TCERG1L: variants seen among roughly 807,000 people sequenced by gnomAD.
TCERG1L encodes transcription elongation regulator 1-like protein.
A neutral mutation model predicts 56.3 loss-of-function variants in TCERG1L; 37 were observed. That is an observed-to-expected ratio of 0.66 (90% CI 0.51 to 0.87). The LOEUF (loss-of-function observed/expected upper bound fraction) is 0.87, where lower values mean the gene tolerates loss of function less well. Among genes scored for constraint, TCERG1L ranks in the 40% least tolerant of loss-of-function variants. The pLI, the probability that TCERG1L is intolerant of heterozygous loss-of-function variation, is 0.00. For missense variants in TCERG1L, 799 were observed against 774.2 expected, an observed-to-expected ratio of 1.03 and a Z score of -0.38; for synonymous variants, 324 against 326.3, an observed-to-expected ratio of 0.99 and a Z score of 0.08.
chr10:131,110,523 C>A (rs941694222), intron 9 of TCERG1L, among the ~76,000 whole-genome samples: 7 of 152,214 alleles, frequency 4.6e-5, no homozygotes, highest in Non-Finnish European at 1.0e-4. Flanking sequence ...AGACTCTCAG[C>A]AGGGAAGAGA....
chr10:131,183,022 C>A (rs999804639), intron 4 of TCERG1L, among the ~76,000 whole-genome samples: 3 of 152,168 alleles, frequency 2.0e-5, no homozygotes, highest in Non-Finnish European at 4.4e-5. Flanking sequence ...CGTCAGGCTG[C>A]ACAATCCAAT....
intron 6 of TCERG1L, among the ~76,000 whole-genome samples, chr10:131,152,419 T>G (rs1369945701): frequency 6.6e-6 from 1 of 152,218 alleles, no homozygotes; most frequent in Non-Finnish European, 1.5e-5. Flanking sequence ...CATCTCCATC[T>G]GAGACCACCT....
rs1261525357 is a variant in TCERG1L, at chr10:131,191,192, A to G, written c.857-24307T>C. ...TTCATCCAGGAGGTGAAAAATCTCT[A>G]CAAGGAGAACTACAAAACACTGCTG... On this transcript the variant is annotated intron_variant, in intron 4 of 11. Coordinates refer to ENST00000368642, the MANE Select transcript of TCERG1L (RefSeq NM_174937.4). 6.9e-5 allele frequency among the ~76,000 whole-genome samples: 10 copies of G among 144,404 alleles called. 1 individual carries two copies. Among genetic ancestry groups the G allele is most frequent in the Admixed American group, 4.1e-4 (6 of 14,464 alleles). 94.7% of individuals were successfully genotyped at this position (144,404 alleles called of 152,430 possible).
intron 9 of TCERG1L, among the ~76,000 whole-genome samples, chr10:131,113,100 C>A (rs150287729): frequency 7.0e-6 from 1 of 142,822 alleles, no homozygotes; most frequent in East Asian, 2.4e-4. Flanking sequence ...TCAATGCCTA[C>A]CCCCATCTTC....
intron 6 of TCERG1L, among the ~76,000 whole-genome samples, chr10:131,159,940 C>T (rs755898377): frequency 1.3e-5 from 2 of 152,164 alleles, no homozygotes; most frequent in African/African-American, 2.4e-5. Context: ...GGTCTGGTGG[C>T]GGTCTGCCAA....
At chr10:131,108,534 G>C (rs942647483) in intron 9 of TCERG1L, among the ~76,000 whole-genome samples, 2 of 152,056 alleles carry the variant, frequency 1.3e-5, no homozygotes, top group South Asian at 4.1e-4. Flanking sequence ...TGCTGTGTGC[G>C]TGGGTGTTCT....
At chr10:131,117,057 TA>T (rs748804370) in intron 8 of TCERG1L, 123 bp from the exon 9 acceptor site, 10 of 1,300,606 alleles carry the variant, frequency 7.7e-6, no homozygotes, top group East Asian at 7.6e-5. Context: ...GACAACTCTT[TA>T]TAAAGCCTGA....
Position 131,311,233 on chromosome 10 carries a change from G to A in TCERG1L, c.342+61C>T. ...CCGGAGGCCAGAGCCGGGCCGGGCA[G>A]GGCGCGCCCAGGAGCAGGGGAGACG... On this transcript the variant is annotated intron_variant, in intron 1 of 11. Transcript: ENST00000368642. This position sits in a 1 kb window ranked among gnomAD's most constrained non-coding sequence, Gnocchi z 4.0. 3 of 1,173,346 alleles carry A rather than the reference G, an allele frequency of 2.6e-6. No homozygotes were observed. The highest frequency in any genetic ancestry group is 2.1e-6 in the Non-Finnish European group (2 of 944,970). The allele number at this position is 1,173,346 out of a possible 1,614,324, so 72.7% of individuals were successfully genotyped here.
rs539838330 is a variant in TCERG1L at position 131,239,205 on chromosome 10, T to A, written c.856+21054A>T. ...CAGACCTGCAGTCTCCTTTCCCAGG[T>A]GTAATTCCACACCTTTGCTTGAATG... On this transcript the variant is annotated intron_variant, in intron 4 of 11. Transcript: ENST00000368642. 1.4e-4 allele frequency among the ~76,000 whole-genome samples: 21 copies of A among 152,266 alleles called. No homozygotes were observed. In the South Asian group the frequency reaches 4.4e-3, roughly 32 times the overall value.
At chr10:131,101,338 C>T (rs990925873) in intron 10 of TCERG1L, among the ~76,000 whole-genome samples, 3 of 152,216 alleles carry the variant, frequency 2.0e-5, no homozygotes, top group Non-Finnish European at 2.9e-5. Context: ...AGAGATGTGC[C>T]GTAGCATGTA....
intron 3 of TCERG1L, among the ~76,000 whole-genome samples, chr10:131,279,119 G>A (rs1017545169): frequency 9.9e-5 from 15 of 152,178 alleles, no homozygotes; most frequent in Admixed American, 5.9e-4. Flanking sequence ...GCAGAGACAG[G>A]GCTACCTAGT....
At chr10:131,142,110 C>T (rs919494168) in intron 7 of TCERG1L, among the ~76,000 whole-genome samples, 1 of 152,234 alleles carries the variant, frequency 6.6e-6, no homozygotes, top group African/African-American at 2.4e-5. Context: ...GCAAACAAGC[C>T]ACCTGGATCA....
At chr10:131,290,311 T>C (rs1296253241) in intron 3 of TCERG1L, among the ~76,000 whole-genome samples, 1 of 152,208 alleles carries the variant, frequency 6.6e-6, no homozygotes, top group African/African-American at 2.4e-5. Context: ...TTGGATCCTA[T>C]TGTTCAATTT....
chr10:131,251,474 C>T lies in TCERG1L; in HGVS notation c.856+8785G>A, dbSNP rs1006904073. Among the ~76,000 whole-genome samples, 14 of 152,202 alleles carry T rather than the reference C, an allele frequency of 9.2e-5. 1 individual carries two copies. Among genetic ancestry groups the T allele is most frequent in the African/African-American group, 3.4e-4 (14 of 41,452 alleles). ...CCAGCCACCTCCAGGACAGCACATGCCCTTTGCACCAGCCACCCTCACCCA... is the reference window on the plus strand; with the variant it reads ...CCAGCCACCTCCAGGACAGCACATGTCCTTTGCACCAGCCACCCTCACCCA... On this transcript the variant is annotated intron_variant, in intron 4 of 11. Coordinates refer to ENST00000368642, the MANE Select transcript of TCERG1L (RefSeq NM_174937.4).
chr10:131,246,911 C>T (rs138560147), intron 4 of TCERG1L, among the ~76,000 whole-genome samples: 3,232 of 152,154 alleles, frequency 0.021, 50 homozygotes, highest in Non-Finnish European at 0.034. Flanking sequence ...GGCGCCCTCT[C>T]GCCCACGACG....
intron 8 of TCERG1L, among the ~76,000 whole-genome samples, chr10:131,129,797 G>A (rs1024825049): frequency 6.6e-6 from 1 of 152,234 alleles, no homozygotes; most frequent in Non-Finnish European, 1.5e-5. Context: ...GAAAGGAGGT[G>A]TAATTGACTC....
intron 4 of TCERG1L, among the ~76,000 whole-genome samples, chr10:131,183,858 G>T (rs1845207882): frequency 6.6e-6 from 1 of 152,332 alleles, no homozygotes; most frequent in South Asian, 2.1e-4. Flanking sequence ...TGGGAGACAG[G>T]CTCCTTGGAG....
At chr10:131,244,633 T>C (rs1477092075) in intron 4 of TCERG1L, among the ~76,000 whole-genome samples, 1 of 152,044 alleles carries the variant, frequency 6.6e-6, no homozygotes, top group African/African-American at 2.4e-5. Flanking sequence ...AGGACTTCGG[T>C]CTCAGTAACG....
In TCERG1L at chr10:131,260,967, G is replaced by A. The variant is rs1217413906; in HGVS notation, c.671-523C>T. Among the ~76,000 whole-genome samples, 1 of 151,754 alleles carries A rather than the reference G, an allele frequency of 6.6e-6. No individual in the cohort carries two copies. The highest frequency in any genetic ancestry group is 2.4e-5 in the African/African-American group (1 of 41,308). On this transcript the variant is annotated intron_variant, in intron 3 of 11. Coordinates refer to ENST00000368642, the MANE Select transcript of TCERG1L (RefSeq NM_174937.4). This position sits in a 1 kb window ranked among gnomAD's most constrained non-coding sequence, Gnocchi z 5.8. ...GAGAGGGCGGAGAGGTTTCCAGAGG[G>A]CACCAGGCTCAGCCGGGCCCTGCAG...
Sources: gnomAD v4.1 joint callset for allele counts (sites outside exome capture counted in the v4.1 genomes callset) on GRCh38, gnomAD v4.1.1 for gene constraint, Gnocchi (gnomAD v3.1) non-coding constraint, MANE v1.5 for transcripts, NCBI Gene and HGNC (gene_info 2026-07-23, HGNC 2026-07-21) for gene names.